DLGAP1: variants seen among roughly 807,000 people sequenced by gnomAD.
The protein encoded by DLGAP1 is DLG associated protein 1.
Under a neutral mutation model 90.8 loss-of-function variants are expected in DLGAP1, and 11 were observed. The ratio of observed to expected loss-of-function variants is 0.12; its 90% CI spans 0.08 to 0.20. The LOEUF (loss-of-function observed/expected upper bound fraction) is 0.20, where lower values mean the gene tolerates loss of function less well. DLGAP1 is among the 10% of genes least tolerant of loss of function. The probability of loss-of-function intolerance (pLI) is 1.00; values close to 1 mark genes in which losing one functional copy is unlikely to be tolerated. For synonymous variants in DLGAP1, 558 were observed against 540.7 expected, an observed-to-expected ratio of 1.03 and a Z score of -0.44; for missense variants, 1,050 against 1,333.8, an observed-to-expected ratio of 0.79 and a Z score of 3.31.
At chr18:3,651,173 A>G (rs1182019658) in intron 7 of DLGAP1, among the ~76,000 whole-genome samples, 2 of 151,828 alleles carry the variant, frequency 1.3e-5, no homozygotes, top group Non-Finnish European at 2.9e-5. Flanking sequence ...ATCCTGGCCA[A>G]CATGGTGAAA....
chr18:3,842,907 GTT>G (rs1429362870), intron 4 of DLGAP1, among the ~76,000 whole-genome samples: 24 of 152,272 alleles, frequency 1.6e-4, no homozygotes, highest in African/African-American at 5.5e-4. Flanking sequence ...TGATACTTTA[GTT>G]CTCTCTCATC....
chr18:4,172,405 G>T (rs1403002501), intron 1 of DLGAP1, among the ~76,000 whole-genome samples: 1 of 152,110 alleles, frequency 6.6e-6, no homozygotes, highest in African/African-American at 2.4e-5. Context: ...CTTGTACACA[G>T]GCAACTTTCT....
At chr18:3,922,081 T>G (rs1377381899) in intron 3 of DLGAP1, among the ~76,000 whole-genome samples, 2 of 152,074 alleles carry the variant, frequency 1.3e-5, no homozygotes, top group Non-Finnish European at 2.9e-5. Context: ...CAGGTTAAAA[T>G]GAGGCAAGTG....
intron 1 of DLGAP1, among the ~76,000 whole-genome samples, chr18:4,418,721 T>C (rs1051508489): frequency 1.3e-5 from 2 of 151,740 alleles, no homozygotes; most frequent in Non-Finnish European, 2.9e-5. Flanking sequence ...GGTGAAAAAA[T>C]ATCAAATGGT....
chr18:3,544,215 C>G (rs549896796), intron 9 of DLGAP1, among the ~76,000 whole-genome samples: 3 of 152,058 alleles, frequency 2.0e-5, no homozygotes, highest in African/African-American at 4.8e-5. Context: ...CATGGCGAAA[C>G]CTGTCTCTAC....
At chr18:3,728,095 T>C (rs114444773) in intron 7 of DLGAP1, among the ~76,000 whole-genome samples, 1,676 of 152,250 alleles carry the variant, frequency 0.011, 25 homozygotes, top group African/African-American at 0.037. Flanking sequence ...GAATGATAAT[T>C]ACTGACATTT....
chr18:3,828,431 G>A (rs572139600), intron 4 of DLGAP1, among the ~76,000 whole-genome samples: 5 of 152,078 alleles, frequency 3.3e-5, no homozygotes, highest in Non-Finnish European at 7.4e-5. Flanking sequence ...CTTGAGCCCA[G>A]GTGTTTGAGA....
intron 11 of DLGAP1, among the ~76,000 whole-genome samples, chr18:3,503,181 ATATAGGAAGTAATT>A (rs1466396418): frequency 6.6e-6 from 1 of 151,922 alleles, no homozygotes; most frequent in African/African-American, 2.4e-5. Flanking sequence ...ATGTTTACTA[ATATAGGAAGTAATT>A]TTATCATAGG....
intron 1 of DLGAP1, among the ~76,000 whole-genome samples, chr18:4,263,412 ATTC>A (rs1204674788): frequency 6.6e-6 from 1 of 152,200 alleles, no homozygotes; most frequent in Non-Finnish European, 1.5e-5. Flanking sequence ...ATTTAAATGA[ATTC>A]TTATTAAAAT....
intron 7 of DLGAP1, among the ~76,000 whole-genome samples, chr18:3,718,653 C>T (rs921105901): frequency 3.3e-5 from 5 of 151,416 alleles, no homozygotes; most frequent in African/African-American, 9.7e-5. Context: ...TGGCCAGGCA[C>T]GGTGGCTCAC....
At chr18:4,384,333 T>G in intron 1 of DLGAP1, among the ~76,000 whole-genome samples, 1 of 152,158 alleles carries the variant, frequency 6.6e-6, no homozygotes, top group Non-Finnish European at 1.5e-5. Context: ...GACTAGCACC[T>G]GGATCTTAGT....
intron 4 of DLGAP1, among the ~76,000 whole-genome samples, chr18:3,835,603 C>T (rs543505411): frequency 2.1e-4 from 31 of 148,592 alleles, no homozygotes; most frequent in Admixed American, 2.0e-3. Flanking sequence ...GAGCCAAGAT[C>T]GCGTCATTGC....
chr18:3,688,733 G>C (rs2060796997), intron 7 of DLGAP1, among the ~76,000 whole-genome samples: 2 of 151,802 alleles, frequency 1.3e-5, no homozygotes, highest in Non-Finnish European at 2.9e-5. Flanking sequence ...TTAAAGGGTT[G>C]GCTTGGAGAC....
At chr18:3,735,512 C>T (rs1196213955) in intron 6 of DLGAP1, among the ~76,000 whole-genome samples, 2 of 152,138 alleles carry the variant, frequency 1.3e-5, no homozygotes, top group East Asian at 1.9e-4. Flanking sequence ...CGTGAGCCAC[C>T]GTGCTTGGCC....
chr18:3,826,587 C>A (rs567745310), intron 4 of DLGAP1, among the ~76,000 whole-genome samples: 1 of 152,298 alleles, frequency 6.6e-6, no homozygotes, highest in African/African-American at 2.4e-5. Flanking sequence ...GCCATGCACA[C>A]AGCGGGAGGC....
At chr18:3,969,805 G>A (rs542293764) in intron 3 of DLGAP1, among the ~76,000 whole-genome samples, 1 of 152,264 alleles carries the variant, frequency 6.6e-6, no homozygotes, top group South Asian at 2.1e-4. Flanking sequence ...GGAGGCTCTA[G>A]CCAGCGATGA....
chr18:3,573,724 G>A (rs1446052092), intron 8 of DLGAP1, among the ~76,000 whole-genome samples: 1 of 150,716 alleles, frequency 6.6e-6, no homozygotes, highest in Admixed American at 6.6e-5. Context: ...TTATTTTTTA[G>A]ACAGAGGGTT....
chr18:3,505,548 G>T (rs1415615937), intron 11 of DLGAP1, among the ~76,000 whole-genome samples: 6 of 147,710 alleles, frequency 4.1e-5, no homozygotes, highest in Non-Finnish European at 7.4e-5. Flanking sequence ...TGAGGCAGGA[G>T]AATTGCTTGA....
At chr18:4,020,943 C>G (rs974681387) in intron 2 of DLGAP1, among the ~76,000 whole-genome samples, 22 of 152,152 alleles carry the variant, frequency 1.4e-4, no homozygotes, top group African/African-American at 5.3e-4. Flanking sequence ...CCAGCTGACA[C>G]CACCCAGACT....
Sources: allele counts gnomAD v4.1 joint callset (sites outside exome capture counted in the v4.1 genomes callset), GRCh38; gene constraint gnomAD v4.1.1; transcripts MANE v1.5; gene names NCBI Gene and HGNC (gene_info 2026-07-23, HGNC 2026-07-21).